TBC1D12: variants seen among roughly 807,000 people sequenced by gnomAD.
The protein encoded by TBC1D12 is TBC1 domain family member 12.
TBC1D12 carries 56 observed loss-of-function variants against 86.7 expected under a neutral mutation model. That is an observed-to-expected ratio of 0.65 (90% confidence interval 0.52 to 0.81). The LOEUF (loss-of-function observed/expected upper bound fraction) is 0.81, where lower values mean the gene tolerates loss of function less well. TBC1D12 is among the 30% of genes least tolerant of loss of function. TBC1D12 has a pLI of 0.00. For missense variants in TBC1D12, 1,023 were observed against 1,038.8 expected (o/e 0.98, Z 0.21); for synonymous variants, 421 against 411.7 (o/e 1.02, Z -0.27).
chr10:94,418,580 T>TA (rs2055031154), intron 1 of TBC1D12, among the ~76,000 whole-genome samples: 1 of 148,980 alleles, frequency 6.7e-6, no homozygotes, highest in African/African-American at 2.5e-5. Flanking sequence ...TTATTATTAT[T>TA]ATATTATTTT....
At chr10:94,516,690 C>G (rs1371485259) in intron 9 of TBC1D12, among the ~76,000 whole-genome samples, 1 of 151,296 alleles carries the variant, frequency 6.6e-6, no homozygotes, top group Non-Finnish European at 1.5e-5. Flanking sequence ...TTCTTGCGAA[C>G]AGTTTGCTGA....
intron 9 of TBC1D12, among the ~76,000 whole-genome samples, chr10:94,518,936 G>T (rs373684744): frequency 1.3e-5 from 2 of 152,090 alleles, no homozygotes; most frequent in Admixed American, 1.3e-4. Flanking sequence ...TTAGCCAGGC[G>T]TGGTGGCAGG....
chr10:94,402,911 C>T lies in TBC1D12; in HGVS notation c.298C>T (p.Pro100Ser), dbSNP rs1275580179. 3 of 1,502,008 alleles carry T rather than the reference C, an allele frequency of 2.0e-6. No homozygotes were observed. Among genetic ancestry groups the T allele is most frequent in the East Asian group, 5.4e-5 (2 of 37,350 alleles). 93.0% of individuals were successfully genotyped at this position (1,502,008 alleles called of 1,614,324 possible). The change falls in exon 1 of 13, where the codon CCC becomes TCC. Residue 100 changes from proline (P) to serine (S), a missense_variant. Pro to Ser is a moderately conservative substitution (Grantham distance 74). Around this residue, in one of 2 missense-constraint regions of TBC1D12, gnomAD observed 628 missense variants for 531.1 expected, o/e 1.18. Transcript: ENST00000225235. ...CGCTGGCCAGGCCGGCGCCCCGCCGCCCTCGGCAGCCCCACGATCGGACGC... is the reference window on the plus strand; with the variant it reads ...CGCTGGCCAGGCCGGCGCCCCGCCGTCCTCGGCAGCCCCACGATCGGACGC... ...LPAGQAGAPP[P>S]SAAPRSDACL...
intron 1 of TBC1D12, among the ~76,000 whole-genome samples, chr10:94,413,488 G>A (rs1208179222): frequency 6.6e-6 from 1 of 152,096 alleles, no homozygotes; most frequent in Non-Finnish European, 1.5e-5. Flanking sequence ...AAGAAATCCT[G>A]CACACTGCAC....
chr10:94,514,039 CAAAAA>C (rs1011839733), intron 9 of TBC1D12, among the ~76,000 whole-genome samples: 2 of 98,106 alleles, frequency 2.0e-5, no homozygotes, highest in African/African-American at 3.8e-5. Flanking sequence ...TAATAAATCT[CAAAAA>C]AAAAACAAAA....
At chr10:94,483,416 C>T (rs1440144361) in intron 3 of TBC1D12, among the ~76,000 whole-genome samples, 1 of 152,152 alleles carries the variant, frequency 6.6e-6, no homozygotes, top group Admixed American at 6.5e-5. Context: ...ATGTCCTCTT[C>T]AGCATTTGAT....
At chr10:94,497,515 CTTTTT>C (rs34789814) in intron 5 of TBC1D12, among the ~76,000 whole-genome samples, 1 of 98,092 alleles carries the variant, frequency 1.0e-5, no homozygotes, top group Non-Finnish European at 1.9e-5. Flanking sequence ...TCTGCTAAAT[CTTTTT>C]TTTTTTTTTT....
At chr10:94,437,349 A>G (rs868224796) in intron 1 of TBC1D12, among the ~76,000 whole-genome samples, 32 of 151,278 alleles carry the variant, frequency 2.1e-4, no homozygotes, top group African/African-American at 7.1e-4. Flanking sequence ...TTTTTGAGAC[A>G]GAGTCTCGCT....
chr10:94,453,873 T>TCTTTGCTCCATTGTATTGC (rs2055588490), intron 2 of TBC1D12, among the ~76,000 whole-genome samples: 1 of 152,176 alleles, frequency 6.6e-6, no homozygotes, highest in Non-Finnish European at 1.5e-5. Context: ...GAAAAGCCTA[T>TCTTTGCTCCATTGTATTGC]CTTTGCTCCA....
At chr10:94,530,869 T>A (rs1369985703) in intron 11 of TBC1D12, among the ~76,000 whole-genome samples, 1 of 147,530 alleles carries the variant, frequency 6.8e-6, no homozygotes, top group Non-Finnish European at 1.5e-5. Context: ...TTTTTTTTTT[T>A]TTTTTTTCTG....
In TBC1D12 at chr10:94,536,316, A is replaced by G. The variant is rs1417409939; in HGVS notation, c.*3220A>G. 6.6e-6 allele frequency among the ~76,000 whole-genome samples: 1 copy of G among 152,070 alleles called. No homozygotes were observed. The highest frequency in any genetic ancestry group is 1.5e-5 in the Non-Finnish European group (1 of 67,978). ...AATGTTCCTTTAGTCCAGGTCTACAATGCCTTATTTAAATGCTGTTAGAAA... is the reference window on the plus strand; with the variant it reads ...AATGTTCCTTTAGTCCAGGTCTACAGTGCCTTATTTAAATGCTGTTAGAAA... On this transcript the variant is annotated 3_prime_UTR_variant, in exon 13 of 13. Coordinates refer to ENST00000225235, the MANE Select transcript of TBC1D12 (RefSeq NM_015188.2).
In TBC1D12 at chr10:94,522,036, C is replaced by T; in HGVS notation, c.1843C>T (p.Leu615=). 1 of 1,613,042 alleles carries T rather than the reference C, an allele frequency of 6.2e-7. No homozygotes were observed. The highest frequency in any genetic ancestry group is 2.2e-5 in the East Asian group (1 of 44,828). The part of the protein sequence containing the change: ...ADAFIAFANL[L]NKPCQLAFFR... Reference sequence around the variant, plus strand: ...TGCCTTTATCGCATTTGCCAATCTCCTGAATAAGCCATGCCAGTTGGCCTT... The same window carrying T: ...TGCCTTTATCGCATTTGCCAATCTCTTGAATAAGCCATGCCAGTTGGCCTT... Residue 615 remains leucine, a synonymous_variant, in exon 10 of 13, where the codon CTG becomes TTG. Coordinates refer to ENST00000225235, the MANE Select transcript of TBC1D12 (RefSeq NM_015188.2).
chr10:94,419,574 C>T (rs2055047727), intron 1 of TBC1D12, among the ~76,000 whole-genome samples: 1 of 151,978 alleles, frequency 6.6e-6, no homozygotes. Context: ...GAGACTGAGG[C>T]AGGAGAATTC....
intron 2 of TBC1D12, among the ~76,000 whole-genome samples, chr10:94,446,808 G>A (rs2055468814): frequency 6.6e-6 from 1 of 152,120 alleles, no homozygotes; most frequent in South Asian, 2.1e-4. Context: ...TTTGCTGGGT[G>A]CGGTGGCTCA....
rs1289387988 is a variant in TBC1D12 at position 94,429,505 on chromosome 10, T to C, written c.972-12391T>C. 2.6e-5 allele frequency among the ~76,000 whole-genome samples: 4 copies of C among 152,178 alleles called. No individual in the cohort carries two copies. In the East Asian group the frequency reaches 7.7e-4, roughly 29 times the overall value. ...GTGCCAGATCTTTAATCCAGAATACTCAAGGGTAACCAAAGTACTGAGTTT... is the reference window on the plus strand; with the variant it reads ...GTGCCAGATCTTTAATCCAGAATACCCAAGGGTAACCAAAGTACTGAGTTT... On this transcript the variant is annotated intron_variant, in intron 1 of 12. Transcript: ENST00000225235.
At position 94,403,497 on chromosome 10, in the gene TBC1D12, C is replaced by G. The variant is rs757208210; in HGVS notation, c.884C>G (p.Pro295Arg). The change falls in exon 1 of 13, where the codon CCG becomes CGG. Residue 295 changes from proline (P) to arginine (R), a missense_variant. Around this residue, in one of 2 missense-constraint regions of TBC1D12, gnomAD observed 628 missense variants for 531.1 expected, o/e 1.18. Transcript: ENST00000225235. ...ARDHLPPAGP[P>R]VPLPAAEQGP... ...GATCACCTGCCCCCGGCGGGGCCGC[C>G]GGTGCCCTTGCCCGCCGCGGAGCAG... 4.5e-6 allele frequency: 7 copies of G among 1,548,804 alleles called. No individual in the cohort carries two copies. Among genetic ancestry groups the G allele is most frequent in the Non-Finnish European group, 6.1e-6 (7 of 1,149,356 alleles).
In TBC1D12 at chr10:94,411,959, AAAAAAAGAG is replaced by A. The variant is rs200805665; in HGVS notation, c.971+8380_971+8388del. Reference sequence around the variant, plus strand: ...GATGGCAGAGTGAGACTGTCTCCAAAAAAAAAGAGAAAATTGCTCACAGTTGATTCAGAT... The same window carrying A: ...GATGGCAGAGTGAGACTGTCTCCAAAAAAATTGCTCACAGTTGATTCAGAT... On this transcript the variant is annotated intron_variant, in intron 1 of 12. Coordinates refer to ENST00000225235, the MANE Select transcript of TBC1D12 (RefSeq NM_015188.2). Among the ~76,000 whole-genome samples, 6 of 152,196 alleles carry A rather than the reference AAAAAAAGAG, an allele frequency of 3.9e-5. No homozygotes were observed. The East Asian group carries it at 1.2e-3, about 29-fold the overall frequency.
chr10:94,471,336 C>T (rs2055903309), intron 2 of TBC1D12, among the ~76,000 whole-genome samples: 2 of 150,840 alleles, frequency 1.3e-5, no homozygotes, highest in African/African-American at 4.9e-5. Flanking sequence ...ATTCTAGCTG[C>T]TTCATTTTGA....
intron 6 of TBC1D12, chr10:94,501,582 C>CT (rs1350578019): frequency 1.3e-5 from 2 of 152,026 alleles, no homozygotes; most frequent in African/African-American, 4.8e-5. Context: ...GAGTCTCGCT[C>CT]TGTTGCTGTG....
Sources: gnomAD v4.1 joint callset for allele counts (sites outside exome capture counted in the v4.1 genomes callset) on GRCh38, gnomAD v4.1.1 for gene constraint, gnomAD v4.1.1 regional missense constraint, MANE v1.5 for transcripts, NCBI Gene and HGNC (gene_info 2026-07-23, HGNC 2026-07-21) for gene names.